The following CTNNA3 variants were observed in gnomAD, a reference collection of about 807,000 sequenced individuals.
CTNNA3 encodes catenin alpha 3.
Under a neutral mutation model 95.7 loss-of-function variants are expected in CTNNA3, and 76 were observed. That is an observed-to-expected ratio of 0.79 (90% confidence interval 0.66 to 0.96). The LOEUF is 0.96. Among genes scored for constraint, CTNNA3 ranks in the 40% least tolerant of loss-of-function variants. The pLI is 0.00. For synonymous variants in CTNNA3, 431 were observed against 374.4 expected (o/e 1.15, Z -1.74); for missense variants, 1,191 against 1,089.8 (o/e 1.09, Z -1.31).
At chr10:65,982,711 G>A (rs1002986130) in intron 16 of CTNNA3, among the ~76,000 whole-genome samples, 60 of 148,270 alleles carry the variant, frequency 4.0e-4, no homozygotes, top group South Asian at 1.1e-3. Context: ...GTGTGTGTGT[G>A]TATATATATA....
chr10:67,598,293 G>A (rs1035856792), intron 3 of CTNNA3, among the ~76,000 whole-genome samples: 4 of 152,054 alleles, frequency 2.6e-5, no homozygotes, highest in African/African-American at 7.2e-5. Flanking sequence ...GGGGATCATG[G>A]GGTCTCCTGC....
chr10:67,454,336 C>A (rs1051325659), intron 5 of CTNNA3, among the ~76,000 whole-genome samples: 4 of 152,110 alleles, frequency 2.6e-5, no homozygotes, highest in Admixed American at 2.6e-4. Flanking sequence ...CAATTCACAA[C>A]TGAGCTTATG....
At chr10:67,013,251 T>C (rs1050997621) in intron 7 of CTNNA3, among the ~76,000 whole-genome samples, 1 of 151,540 alleles carries the variant, frequency 6.6e-6, no homozygotes, top group African/African-American at 2.4e-5. Context: ...TTAAGTTGCC[T>C]CTCTTCATTT....
intron 12 of CTNNA3, among the ~76,000 whole-genome samples, chr10:66,303,943 G>C (rs1186901965): frequency 6.6e-6 from 1 of 151,794 alleles, no homozygotes; most frequent in Non-Finnish European, 1.5e-5. Flanking sequence ...TAGAGCAAAG[G>C]ATATAAAACC....
chr10:66,383,671 G>A (rs1201606149), intron 11 of CTNNA3, among the ~76,000 whole-genome samples: 2 of 152,100 alleles, frequency 1.3e-5, no homozygotes, highest in Non-Finnish European at 2.9e-5. Context: ...GAAATTAAGG[G>A]AAAAGTGTTA....
chr10:66,937,315 G>A (rs982209561), intron 7 of CTNNA3, among the ~76,000 whole-genome samples: 1 of 152,044 alleles, frequency 6.6e-6, no homozygotes, highest in Non-Finnish European at 1.5e-5. Flanking sequence ...CAAAGAATCA[G>A]CATTTGTTAA....
At position 66,021,134 on chromosome 10, in the gene CTNNA3, G is replaced by A. The variant is rs77425623; in HGVS notation, c.2160-32337C>T. Reference sequence around the variant, plus strand: ...AACGTCTGTGATCTCTATTTGTCACGGACATGACTTAAAGACAGAACGTCT... The same window carrying A: ...AACGTCTGTGATCTCTATTTGTCACAGACATGACTTAAAGACAGAACGTCT... On this transcript the variant is annotated intron_variant, in intron 15 of 17. Transcript: ENST00000433211. 5.2e-3 allele frequency among the ~76,000 whole-genome samples: 785 copies of A among 152,076 alleles called. 8 individuals are homozygous for A. The highest frequency in any genetic ancestry group is 0.017 in the African/African-American group (726 of 41,492).
chr10:66,628,375 G>A (rs1338309411), intron 9 of CTNNA3, among the ~76,000 whole-genome samples: 2 of 151,936 alleles, frequency 1.3e-5, no homozygotes, highest in Non-Finnish European at 2.9e-5. Context: ...TGAATATAAA[G>A]GTAAGAATTA....
intron 17 of CTNNA3, among the ~76,000 whole-genome samples, chr10:65,941,268 C>A (rs1225212416): frequency 6.6e-6 from 1 of 152,174 alleles, no homozygotes; most frequent in Non-Finnish European, 1.5e-5. Context: ...GGATCTGCAG[C>A]CAGGCAGTCT....
intron 2 of CTNNA3, among the ~76,000 whole-genome samples, chr10:67,639,703 T>C (rs868672300): frequency 3.9e-5 from 6 of 152,166 alleles, no homozygotes; most frequent in African/African-American, 1.4e-4. Context: ...TGGTTCAACA[T>C]ACACAAATCA....
intron 15 of CTNNA3, among the ~76,000 whole-genome samples, chr10:66,022,146 C>T (rs2079232308): frequency 6.6e-6 from 1 of 152,074 alleles, no homozygotes; most frequent in African/African-American, 2.4e-5. Flanking sequence ...GCTTGAGCCA[C>T]CATGCCCAGC....
intron 13 of CTNNA3, among the ~76,000 whole-genome samples, chr10:66,172,654 A>G (rs1458202101): frequency 6.6e-6 from 1 of 152,134 alleles, no homozygotes; most frequent in Non-Finnish European, 1.5e-5. Flanking sequence ...TAGGAAAGAA[A>G]TACCTGTTTT....
chr10:66,905,228 G>A (rs1159788610), intron 7 of CTNNA3, among the ~76,000 whole-genome samples: 47 of 152,200 alleles, frequency 3.1e-4, no homozygotes, highest in East Asian at 1.9e-4. Context: ...CAGGGACATC[G>A]ATGATGCTGG....
chr10:67,418,696 T>C (rs1845631359), intron 5 of CTNNA3, among the ~76,000 whole-genome samples: 3 of 152,072 alleles, frequency 2.0e-5, no homozygotes, highest in Admixed American at 2.0e-4. Flanking sequence ...GTCAGGGGCA[T>C]TATTGGTTAA....
intron 1 of CTNNA3, among the ~76,000 whole-genome samples, chr10:67,746,430 C>T (rs1373721327): frequency 6.6e-6 from 1 of 151,974 alleles, no homozygotes; most frequent in African/African-American, 2.4e-5. Context: ...GAAACAGCTA[C>T]AGTGGGAGGC....
At chr10:67,727,000 A>C (rs1435401259) in intron 1 of CTNNA3, among the ~76,000 whole-genome samples, 1 of 117,282 alleles carries the variant, frequency 8.5e-6, no homozygotes, top group East Asian at 2.4e-4. Flanking sequence ...AATTATATAT[A>C]ATATATGATA....
chr10:65,954,218 CT>C (rs780808272), intron 17 of CTNNA3, among the ~76,000 whole-genome samples: 80 of 152,316 alleles, frequency 5.3e-4, no homozygotes, highest in Middle Eastern at 3.4e-3. Flanking sequence ...CCTTCGCCCA[CT>C]TTTTGATGGG....
chr10:66,429,555 C>T (rs10997122), intron 11 of CTNNA3, among the ~76,000 whole-genome samples: 5,639 of 152,196 alleles, frequency 0.037, 347 homozygotes, highest in African/African-American at 0.13. Context: ...TTATCCACCA[C>T]GATCAAGTTG....
intron 7 of CTNNA3, among the ~76,000 whole-genome samples, chr10:66,904,953 G>A (rs762310844): frequency 1.3e-5 from 2 of 152,180 alleles, no homozygotes; most frequent in Non-Finnish European, 2.9e-5. Context: ...CATTATGGAC[G>A]ACAGTGTGGC....
Sources: gnomAD v4.1 joint callset for allele counts (sites outside exome capture counted in the v4.1 genomes callset) on GRCh38, gnomAD v4.1.1 for gene constraint, MANE v1.5 for transcripts, NCBI Gene and HGNC (gene_info 2026-07-23, HGNC 2026-07-21) for gene names.